SAR1B: variants seen among roughly 807,000 people sequenced by gnomAD.
SAR1B encodes the protein secretion associated Ras related GTPase 1B, also known as small COPII coat GTPase SAR1B.
Under a neutral mutation model 26.8 loss-of-function variants are expected in SAR1B, and 23 were observed. That is an observed-to-expected ratio of 0.86 (90% CI 0.62 to 1.22). The LOEUF (loss-of-function observed/expected upper bound fraction) is 1.22, where lower values mean the gene tolerates loss of function less well. Ranked by LOEUF, SAR1B falls within the 50% of genes most tolerant of loss-of-function variation. The probability of loss-of-function intolerance (pLI) is 0.00; values close to 1 mark genes in which losing one functional copy is unlikely to be tolerated. For missense variants in SAR1B, 196 were observed against 232.8 expected (o/e 0.84, Z 1.03); for synonymous variants, 65 against 80.8 (o/e 0.80, Z 1.05).
At chr5:134,622,133 C>T (rs1765419614) in intron 2 of SAR1B, among the ~76,000 whole-genome samples, 2 of 152,182 alleles carry the variant, frequency 1.3e-5, no homozygotes, top group Admixed American at 1.3e-4. Context: ...ATTATAGTTT[C>T]AGGCCATCCG....
At chr5:134,630,262 C>G (rs1023845273) in intron 1 of SAR1B, among the ~76,000 whole-genome samples, 1 of 151,632 alleles carries the variant, frequency 6.6e-6, no homozygotes, top group African/African-American at 2.4e-5. Context: ...TCGAGACCAG[C>G]CTGACCAAAA....
chr5:134,604,057 T>C lies in SAR1B; in HGVS notation c.*2893A>G, dbSNP rs1314500403. ...ACTTTAGGAAATGTCTGTTCTCCAATTAAAAAATGCTATAATCTCCATTCT... is the reference window on the plus strand; with the variant it reads ...ACTTTAGGAAATGTCTGTTCTCCAACTAAAAAATGCTATAATCTCCATTCT... On this transcript the variant is annotated 3_prime_UTR_variant, in exon 7 of 7. Transcript: ENST00000402673. 1.3e-5 allele frequency: 2 copies of C among 152,176 alleles called. No homozygotes were observed. The highest frequency in any genetic ancestry group is 4.8e-5 in the African/African-American group (2 of 41,430). The allele number at this position is 152,176 out of a possible 1,614,324, so 9.4% of individuals were successfully genotyped here. A position where few individuals can be genotyped will look rare whatever the true frequency, so the allele number is the denominator to read the frequency against.
At chr5:134,625,545 G>T (rs778369931) in intron 1 of SAR1B, among the ~76,000 whole-genome samples, 6 of 152,132 alleles carry the variant, frequency 3.9e-5, no homozygotes, top group Non-Finnish European at 7.3e-5. Flanking sequence ...GGTAGAAAAA[G>T]TCTCTAAGCC....
rs544522152 is a variant in SAR1B, at chr5:134,627,312, A to G, written c.-18-3275T>C. On this transcript the variant is annotated intron_variant, in intron 1 of 6. Coordinates refer to ENST00000402673, the MANE Select transcript of SAR1B (RefSeq NM_016103.4). ...GTAATCCGCCCTCCTTGGCCTCCCA[A>G]AGTGTTGGGATTACAGGCGTGAGCC... is the stretch of plus-strand genomic sequence containing the variant. Among the ~76,000 whole-genome samples the G allele has an allele frequency of 1.4e-4, 21 of 150,984 alleles. No homozygotes were observed. The East Asian group carries it at 4.2e-3, about 30-fold the overall frequency.
At chr5:134,623,586 C>T (rs1473734418) in intron 2 of SAR1B, among the ~76,000 whole-genome samples, 5 of 150,260 alleles carry the variant, frequency 3.3e-5, no homozygotes, top group African/African-American at 1.2e-4. Context: ...GTACAAGCTA[C>T]TTTATGGAAC....
At chr5:134,608,955 T>G (rs1765171848) in intron 5 of SAR1B, 1 of 378,328 alleles carries the variant, frequency 2.6e-6, no homozygotes, top group East Asian at 7.2e-5. Context: ...TCTGTCCTTG[T>G]TTTGTAACCA....
intron 1 of SAR1B, among the ~76,000 whole-genome samples, chr5:134,630,879 C>CTT (rs1169258258): frequency 1.2e-5 from 1 of 81,302 alleles, no homozygotes; most frequent in Non-Finnish European, 2.6e-5. Context: ...TTTTCTATTT[C>CTT]TTTTTTTTTC....
chr5:134,626,298 CAAAAAAAAA>C (rs35668627), intron 1 of SAR1B, among the ~76,000 whole-genome samples: 29 of 53,120 alleles, frequency 5.5e-4, no homozygotes, highest in Admixed American at 5.2e-3. Flanking sequence ...GACTCTGCCT[CAAAAAAAAA>C]AAAAAAAAAA....
intron 1 of SAR1B, among the ~76,000 whole-genome samples, chr5:134,629,944 T>C (rs1373314376): frequency 6.7e-6 from 1 of 148,720 alleles, no homozygotes; most frequent in Non-Finnish European, 1.5e-5. Flanking sequence ...ATGACAAATA[T>C]AAATAGTAGA....
rs2150047534 is a variant in SAR1B, at chr5:134,602,696, A to T, written c.*4254T>A. The T allele has an allele frequency of 6.6e-6, 1 of 152,028 alleles. No individual in the cohort carries two copies. The highest frequency in any genetic ancestry group is 1.9e-4 in the East Asian group (1 of 5,194). The allele number at this position is 152,028 out of a possible 1,614,324, so 9.4% of individuals were successfully genotyped here. A position where few individuals can be genotyped will look rare whatever the true frequency, so the allele number is the denominator to read the frequency against. On this transcript the variant is annotated 3_prime_UTR_variant, in exon 7 of 7. Coordinates refer to ENST00000402673, the MANE Select transcript of SAR1B (RefSeq NM_016103.4). ...GAGCTCGAGACCAGCCTGGCCAAAT[A>T]ATGAAACCCTGTCTCTACTAAAAAT...
intron 1 of SAR1B, among the ~76,000 whole-genome samples, chr5:134,631,069 A>AT (rs796866403): frequency 1.4e-3 from 199 of 144,672 alleles, no homozygotes; most frequent in African/African-American, 2.2e-3. Flanking sequence ...CACCCAGCAA[A>AT]TTTTTTTTTT....
intron 3 of SAR1B, among the ~76,000 whole-genome samples, chr5:134,619,975 T>C (rs976082369): frequency 6.6e-6 from 1 of 151,956 alleles, no homozygotes. Context: ...AGCAAGACCC[T>C]GTCTCTACAC....
At chr5:134,632,549 G>A (rs1765626924) in intron 1 of SAR1B, among the ~76,000 whole-genome samples, 179 bp downstream of exon 1, 1 of 152,218 alleles carries the variant, frequency 6.6e-6, no homozygotes, top group African/African-American at 2.4e-5. Context: ...CGGCCCCGCG[G>A]AGCATGGATG....
chr5:134,612,676 A>G lies in SAR1B; in HGVS notation c.244+15T>C, dbSNP rs1361234567. On this transcript the variant is annotated intron_variant, in intron 4 of 6. Transcript: ENST00000402673. ...AAAAAAAAAAAAAAAAAAAAAAAAA[A>G]AAAAAGAATCTTACCTTGAACATGT... The G allele has an allele frequency of 3.7e-6, 4 of 1,088,958 alleles. No homozygotes were observed. Among genetic ancestry groups the G allele is most frequent in the South Asian group, 3.9e-5 (2 of 51,348 alleles). 67.5% of individuals were successfully genotyped at this position (1,088,958 alleles called of 1,614,324 possible). A position where few individuals can be genotyped will look rare whatever the true frequency, so the allele number is the denominator to read the frequency against.
chr5:134,608,353 ATTTTT>A lies in SAR1B; in HGVS notation c.480+14_480+18del, dbSNP rs199526981. On this transcript the variant is annotated intron_variant, in intron 6 of 6. Transcript: ENST00000402673. ...TGTAGAATTAAACACACCCATCATAATTTTTTTTTTTTTTTTACCTTTCCTGTTGT... is the reference window on the plus strand; with the variant it reads ...TGTAGAATTAAACACACCCATCATAATTTTTTTTTTTACCTTTCCTGTTGT... The A allele has an allele frequency of 6.8e-7, 1 of 1,468,494 alleles. No individual in the cohort carries two copies. The allele number at this position is 1,468,494 out of a possible 1,614,324, so 91.0% of individuals were successfully genotyped here. A position where few individuals can be genotyped will look rare whatever the true frequency, so the allele number is the denominator to read the frequency against.
chr5:134,626,225 G>C (rs1265154496), intron 1 of SAR1B, among the ~76,000 whole-genome samples: 1 of 139,904 alleles, frequency 7.1e-6, no homozygotes, highest in South Asian at 2.3e-4. Context: ...CTTGAACCCA[G>C]GAGGCAGAGG....
At chr5:134,628,490 A>G (rs1355925603) in intron 1 of SAR1B, among the ~76,000 whole-genome samples, 1 of 152,146 alleles carries the variant, frequency 6.6e-6, no homozygotes, top group Non-Finnish European at 1.5e-5. Flanking sequence ...TGGTAATGCT[A>G]TGGTGAAATG....
intron 4 of SAR1B, among the ~76,000 whole-genome samples, chr5:134,612,359 G>T (rs188866473): frequency 1.3e-5 from 2 of 152,166 alleles, no homozygotes; most frequent in African/African-American, 2.4e-5. Context: ...CTGGCCTTGC[G>T]TGACTAGAAT....
intron 1 of SAR1B, among the ~76,000 whole-genome samples, chr5:134,624,550 C>G (rs562916825): frequency 6.6e-6 from 1 of 151,618 alleles, no homozygotes; most frequent in African/African-American, 2.4e-5. Context: ...GGAGAGATTC[C>G]TATTTCAAAA....
Sources: allele counts gnomAD v4.1 joint callset (sites outside exome capture counted in the v4.1 genomes callset), GRCh38; gene constraint gnomAD v4.1.1; transcripts MANE v1.5; gene names NCBI Gene and HGNC (gene_info 2026-07-23, HGNC 2026-07-21).